The following NRL variants were observed in gnomAD, a reference collection of about 807,000 sequenced individuals.
NRL encodes the protein neural retina leucine zipper.
In NRL, 16 loss-of-function variants were observed where a neutral mutation model predicts 12.5. The ratio of observed to expected loss-of-function variants is 1.28; its 90% CI spans 0.87 to 1.95. The LOEUF (loss-of-function observed/expected upper bound fraction) is 1.95, where lower values mean the gene tolerates loss of function less well. Among genes scored for constraint, NRL ranks in the 30% most tolerant of loss-of-function variants. The pLI is 0.00. For synonymous variants in NRL, 142 were observed against 150.9 expected (o/e 0.94, Z 0.43); for missense variants, 314 against 325.8 (o/e 0.96, Z 0.28).
chr14:24,110,296 A>G lies in NRL; in HGVS notation c.-28+4426T>C, dbSNP rs890824493. On this transcript the variant is annotated intron_variant, in intron 1 of 2. Coordinates refer to ENST00000561028, the MANE Select transcript of NRL (RefSeq NM_001354768.3). ...TTTTGTTTTTGTATTTTTCGTAGAG[A>G]TGGGGTTTCGTCACATTGCCCAGGC... 8 of 348,156 alleles carry G rather than the reference A, an allele frequency of 2.3e-5. No homozygotes were observed. In the East Asian group the frequency reaches 7.8e-4, roughly 34 times the overall value. The allele number at this position is 348,156 out of a possible 1,614,324, so 21.6% of individuals were successfully genotyped here. A position where few individuals can be genotyped will look rare whatever the true frequency, so the allele number is the denominator to read the frequency against.
intron 1 of NRL, chr14:24,110,677 T>A (rs2138995735): frequency 6.6e-6 from 1 of 152,492 alleles, no homozygotes; most frequent in East Asian, 1.9e-4. Context: ...TTGCAAGATA[T>A]TTAGATCTTT....
rs1168938562 is a variant in NRL at position 24,080,095 on chromosome 14, C to T, written c.*1141G>A. On this transcript the variant is annotated 3_prime_UTR_variant, in exon 3 of 3. Transcript: ENST00000561028. ...CACACACAGACACACAAACAGTAGC[C>T]TGAAGCAGGGATAAAGAATGAACAC... is the stretch of plus-strand genomic sequence containing the variant. The T allele has an allele frequency of 1.3e-5, 2 of 152,236 alleles. No individual in the cohort carries two copies. Among genetic ancestry groups the T allele is most frequent in the African/African-American group, 4.8e-5 (2 of 41,436 alleles). The allele number at this position is 152,236 out of a possible 1,614,324, so 9.4% of individuals were successfully genotyped here.
chr14:24,094,556 C>G lies in NRL; in HGVS notation c.-27-11681G>C. ...GTTTCCCATCCTAGGCGGAGGCGGG[C>G]AGGGGCGACTGCTGTGGGTCCAGCC... On this transcript the variant is annotated intron_variant, in intron 1 of 2. Transcript: ENST00000561028. The surrounding 1 kb of genome is among the most constrained non-coding windows in gnomAD (Gnocchi z 4.1). 6.9e-7 allele frequency: 1 copy of G among 1,441,128 alleles called. No homozygotes were observed. The highest frequency in any genetic ancestry group is 9.1e-7 in the Non-Finnish European group (1 of 1,101,654). The allele number at this position is 1,441,128 out of a possible 1,614,324, so 89.3% of individuals were successfully genotyped here.
At chr14:24,097,007 G>A (rs1203564774) in intron 1 of NRL, 3 of 1,613,524 alleles carry the variant, frequency 1.9e-6, no homozygotes, top group African/African-American at 1.3e-5. Context: ...AGATTTTGTA[G>A]AGCACAGTGC....
In NRL at chr14:24,100,031, T is replaced by A. The variant is rs370574768; in HGVS notation, c.-28+14691A>T. 4 of 1,614,108 alleles carry A rather than the reference T, an allele frequency of 2.5e-6. No homozygotes were observed. Among genetic ancestry groups the A allele is most frequent in the Admixed American group, 1.7e-5 (1 of 60,022 alleles). The stretch of plus-strand genomic sequence containing the variant: ...GCCATCAACCCTGAGAACGGCTTCT[T>A]TGGGGTTGCCCCTGGTACCTCTGCC... On this transcript the variant is annotated intron_variant, in intron 1 of 2. Coordinates refer to ENST00000561028, the MANE Select transcript of NRL (RefSeq NM_001354768.3).
At chr14:24,106,750 A>C (rs1049261410) in intron 1 of NRL, among the ~76,000 whole-genome samples, 9 of 148,588 alleles carry the variant, frequency 6.1e-5, no homozygotes, top group Non-Finnish European at 1.3e-4. Flanking sequence ...AAATAAATTT[A>C]AAAATTTAAA....
intron 1 of NRL, among the ~76,000 whole-genome samples, chr14:24,104,648 A>C (rs7160211): frequency 0.025 from 3,748 of 148,032 alleles, 128 homozygotes; most frequent in African/African-American, 0.071. Context: ...CACAAAAAAA[A>C]AAAACAAAAC....
At chr14:24,098,112 A>G in intron 1 of NRL, 1 of 1,022,850 alleles carries the variant, frequency 9.8e-7, no homozygotes, top group Middle Eastern at 2.1e-4. Context: ...CCAACAGAAG[A>G]CCTGGAGTCA....
At chr14:24,096,921 G>A in intron 1 of NRL, 2 of 1,613,620 alleles carry the variant, frequency 1.2e-6, no homozygotes, top group African/African-American at 1.3e-5. Context: ...AGCCCCTTGG[G>A]CTGGCCATCA....
Position 24,081,739 on chromosome 14 carries a change from C to T in NRL, c.382-171G>A. The T allele has an allele frequency of 1.3e-6, 2 of 1,520,986 alleles. No homozygotes were observed. The highest frequency in any genetic ancestry group is 1.8e-6 in the Non-Finnish European group (2 of 1,140,352). The allele number at this position is 1,520,986 out of a possible 1,614,324, so 94.2% of individuals were successfully genotyped here. Reference sequence around the variant, plus strand: ...TTTCGGTCCAGAGCCCGCCCCAGGCCCCGACGCTCCCCGGGCCCCCCAGCT... The same window carrying T: ...TTTCGGTCCAGAGCCCGCCCCAGGCTCCGACGCTCCCCGGGCCCCCCAGCT... On this transcript the variant is annotated intron_variant, in intron 2 of 2. Transcript: ENST00000561028. The surrounding 1 kb of genome is among the most constrained non-coding windows in gnomAD (Gnocchi z 4.4).
intron 1 of NRL, among the ~76,000 whole-genome samples, chr14:24,108,078 T>C (rs1252816526): frequency 6.6e-6 from 1 of 152,226 alleles, no homozygotes; most frequent in Non-Finnish European, 1.5e-5. Flanking sequence ...TTTGACATGA[T>C]ACATACTCCT....
In NRL at chr14:24,081,341, G is replaced by C. The variant is rs770280263; in HGVS notation, c.609C>G (p.Ala203=). The change falls in exon 3 of 3, where the codon GCC becomes GCG. Residue 203 remains alanine, a synonymous_variant. Coordinates refer to ENST00000561028, the MANE Select transcript of NRL (RefSeq NM_001354768.3). This position sits in a 1 kb window ranked among gnomAD's most constrained non-coding sequence, Gnocchi z 4.4. ...RLAAQLDALR[A]EVARLARERD... is the part of the protein sequence containing the mutation. ...GCTCCCGGGCCAGGCGGGCCACCTC[G>C]GCCCGCAGCGCGTCCAGCTGGGCGG... 1.4e-6 allele frequency: 2 copies of C among 1,468,588 alleles called. No homozygotes were observed. The highest frequency in any genetic ancestry group is 1.4e-5 in the South Asian group (1 of 74,016). The allele number at this position is 1,468,588 out of a possible 1,614,324, so 91.0% of individuals were successfully genotyped here.
chr14:24,109,207 G>A (rs531061350), intron 1 of NRL, among the ~76,000 whole-genome samples: 8 of 152,276 alleles, frequency 5.3e-5, no homozygotes, highest in East Asian at 1.9e-4. Flanking sequence ...ACCACGCAAC[G>A]TACCAAATTT....
intron 1 of NRL, among the ~76,000 whole-genome samples, chr14:24,086,864 A>C (rs72692171): frequency 4.7e-4 from 71 of 152,284 alleles, no homozygotes; most frequent in Non-Finnish European, 8.4e-4. Flanking sequence ...CAGGGAAAGG[A>C]GCTGGGGGAG....
rs1400208770 is a variant in NRL at position 24,080,467 on chromosome 14, A to T, written c.*769T>A. ...TCTTGGGGAGACCACCGGGACTTCC[A>T]TACTGGGGAGATGCCAGAACTGGAA... On this transcript the variant is annotated 3_prime_UTR_variant, in exon 3 of 3. Transcript: ENST00000561028. 2.0e-5 allele frequency: 3 copies of T among 152,618 alleles called. No individual in the cohort carries two copies. Among genetic ancestry groups the T allele is most frequent in the Non-Finnish European group, 4.4e-5 (3 of 68,052 alleles). 9.5% of individuals were successfully genotyped at this position (152,618 alleles called of 1,614,324 possible). A position where few individuals can be genotyped will look rare whatever the true frequency, so the allele number is the denominator to read the frequency against.
intron 1 of NRL, among the ~76,000 whole-genome samples, chr14:24,095,616 G>A (rs2036836222): frequency 1.3e-5 from 2 of 152,222 alleles, no homozygotes; most frequent in South Asian, 4.1e-4. Flanking sequence ...AGAGCCAGGG[G>A]AAGCACGGGG....
chr14:24,106,511 A>G (rs1049369438), intron 1 of NRL, among the ~76,000 whole-genome samples: 8 of 152,176 alleles, frequency 5.3e-5, no homozygotes, highest in Admixed American at 4.6e-4. Context: ...ACCTGAGGTC[A>G]GCAGTTTGAG....
chr14:24,085,150 G>A lies in NRL; in HGVS notation c.-27-2275C>T, dbSNP rs986791896. ...GACTGGTCTTATGCCCCTCATAGCC[G>A]TCGCATCAGAAAGGAAAGCAACTTT... On this transcript the variant is annotated intron_variant, in intron 1 of 2. Coordinates refer to ENST00000561028, the MANE Select transcript of NRL (RefSeq NM_001354768.3). The surrounding 1 kb of genome is among the most constrained non-coding windows in gnomAD (Gnocchi z 4.1). Among the ~76,000 whole-genome samples the A allele has an allele frequency of 3.3e-5, 5 of 152,256 alleles. No homozygotes were observed. The highest frequency in any genetic ancestry group is 9.6e-5 in the African/African-American group (4 of 41,528).
At position 24,094,672 on chromosome 14, in the gene NRL, C is replaced by A; in HGVS notation, c.-27-11797G>T. The A allele has an allele frequency of 1.3e-6, 2 of 1,514,614 alleles. No homozygotes were observed. Among genetic ancestry groups the A allele is most frequent in the Non-Finnish European group, 1.8e-6 (2 of 1,133,796 alleles). The allele number at this position is 1,514,614 out of a possible 1,614,324, so 93.8% of individuals were successfully genotyped here. A position where few individuals can be genotyped will look rare whatever the true frequency, so the allele number is the denominator to read the frequency against. On this transcript the variant is annotated intron_variant, in intron 1 of 2. Transcript: ENST00000561028. The surrounding 1 kb of genome is among the most constrained non-coding windows in gnomAD (Gnocchi z 4.1). ...CTTCTCTGCCTCGCTCGCCTCTGAC[C>A]GCGCGATCTCTATCTGCCACTCTCA... is the stretch of plus-strand genomic sequence containing the variant.
Sources: gnomAD v4.1 joint callset for allele counts (sites outside exome capture counted in the v4.1 genomes callset) on GRCh38, gnomAD v4.1.1 for gene constraint, Gnocchi (gnomAD v3.1) non-coding constraint, MANE v1.5 for transcripts, NCBI Gene and HGNC (gene_info 2026-07-23, HGNC 2026-07-21) for gene names.